FAM83B: variants seen among roughly 807,000 people sequenced by gnomAD.
The protein encoded by FAM83B is protein FAM83B.
Under a neutral mutation model 38.8 loss-of-function variants are expected in FAM83B, and 26 were observed. The ratio of observed to expected loss-of-function variants is 0.67; its 90% CI spans 0.49 to 0.93. The LOEUF (loss-of-function observed/expected upper bound fraction) is 0.93, where lower values mean the gene tolerates loss of function less well. Among genes scored for constraint, FAM83B ranks in the 40% least tolerant of loss-of-function variants. The pLI is 0.00. For missense variants in FAM83B, 1,237 were observed against 1,197.3 expected (o/e 1.03, Z -0.49); for synonymous variants, 419 against 423.1 (o/e 0.99, Z 0.12).
At chr6:54,881,379 A>T (rs1772127245) in intron 2 of FAM83B, among the ~76,000 whole-genome samples, 1 of 152,172 alleles carries the variant, frequency 6.6e-6, no homozygotes. Flanking sequence ...TGGTAACTGT[A>T]CATTTTCTTT....
chr6:54,900,878 T>C (rs997592631), intron 2 of FAM83B, among the ~76,000 whole-genome samples: 1 of 152,222 alleles, frequency 6.6e-6, no homozygotes, highest in Non-Finnish European at 1.5e-5. Context: ...CCACAAGCAC[T>C]GTATCCACAT....
At chr6:54,868,890 T>C (rs1771779383) in intron 1 of FAM83B, among the ~76,000 whole-genome samples, 2 of 152,242 alleles carry the variant, frequency 1.3e-5, no homozygotes, top group African/African-American at 4.8e-5. Context: ...GGAACAGGAT[T>C]GTCTCCACTA....
intron 2 of FAM83B, among the ~76,000 whole-genome samples, chr6:54,874,625 T>C (rs975261295): frequency 6.6e-6 from 1 of 152,220 alleles, no homozygotes; most frequent in Admixed American, 6.5e-5. Flanking sequence ...AGTTTTTTTT[T>C]CCTAGCCACT....
intron 1 of FAM83B, among the ~76,000 whole-genome samples, chr6:54,851,505 C>T (rs1771287182): frequency 2.6e-5 from 4 of 152,106 alleles, no homozygotes; most frequent in Admixed American, 2.6e-4. Context: ...CACAGTCTCA[C>T]TCTGTTGCCC....
intron 1 of FAM83B, among the ~76,000 whole-genome samples, chr6:54,855,869 C>G (rs1771435300): frequency 6.6e-6 from 1 of 152,266 alleles, no homozygotes; most frequent in Admixed American, 6.5e-5. Flanking sequence ...AATGAATCAT[C>G]TTTGATTTTA....
At chr6:54,922,629 C>T (rs961858977) in intron 2 of FAM83B, among the ~76,000 whole-genome samples, 6 of 151,984 alleles carry the variant, frequency 3.9e-5, no homozygotes, top group African/African-American at 1.4e-4. Flanking sequence ...TGGGAAGCTA[C>T]TGGAATGATT....
At chr6:54,879,460 G>T (rs1772074534) in intron 2 of FAM83B, among the ~76,000 whole-genome samples, 1 of 152,116 alleles carries the variant, frequency 6.6e-6, no homozygotes, top group Non-Finnish European at 1.5e-5. Context: ...CTTTATGCTG[G>T]GTCAGGTGAG....
At chr6:54,865,710 A>G (rs1357950006) in intron 1 of FAM83B, among the ~76,000 whole-genome samples, 1 of 152,082 alleles carries the variant, frequency 6.6e-6, no homozygotes, top group African/African-American at 2.4e-5. Flanking sequence ...AAAAAGCTGT[A>G]ATTTCTCTTT....
intron 1 of FAM83B, among the ~76,000 whole-genome samples, chr6:54,865,937 C>A (rs1040784475): frequency 6.7e-6 from 1 of 148,990 alleles, no homozygotes. Context: ...AGTAATTATA[C>A]TATAGCAGAT....
rs868800065 is a variant in FAM83B, at chr6:54,930,309, C to G, written c.734+2677C>G. 4.6e-5 allele frequency among the ~76,000 whole-genome samples: 7 copies of G among 152,172 alleles called. No individual in the cohort carries two copies. In the Middle Eastern group the frequency reaches 0.01, roughly 222 times the overall value. ...TGCTACTTCTTTCTCCAGTTGACCA[C>G]ATAGATTTTGCAGCACATGAATGAT... On this transcript the variant is annotated intron_variant, in intron 4 of 4. Coordinates refer to ENST00000306858, the MANE Select transcript of FAM83B (RefSeq NM_001010872.3).
At chr6:54,906,623 G>A (rs933264989) in intron 2 of FAM83B, among the ~76,000 whole-genome samples, 2 of 152,086 alleles carry the variant, frequency 1.3e-5, no homozygotes, top group Admixed American at 1.3e-4. Context: ...GACCTCAGGT[G>A]ATTCCCTGCC....
intron 2 of FAM83B, among the ~76,000 whole-genome samples, chr6:54,915,812 C>CAAAAA (rs58597609): frequency 0.05 from 909 of 18,016 alleles, 203 homozygotes; most frequent in African/African-American, 0.2. Context: ...GACTCCGTCT[C>CAAAAA]AAAAAAAAAA....
At chr6:54,925,878 A>G (rs1273579259) in intron 2 of FAM83B, among the ~76,000 whole-genome samples, 1 of 152,162 alleles carries the variant, frequency 6.6e-6, no homozygotes, top group East Asian at 1.9e-4. Flanking sequence ...TCTTCAAGTC[A>G]TCTTATACTC....
intron 2 of FAM83B, among the ~76,000 whole-genome samples, chr6:54,897,898 A>T (rs1232029448): frequency 6.6e-6 from 1 of 152,204 alleles, no homozygotes; most frequent in Non-Finnish European, 1.5e-5. Flanking sequence ...CAAGTAAAAC[A>T]ATTACTTGGG....
rs74561439 is a variant in FAM83B, at chr6:54,942,644, A to C, written c.*637A>C. 3.1e-3 allele frequency among the ~76,000 whole-genome samples: 462 copies of C among 151,452 alleles called. 5 individuals are homozygous for C. Among genetic ancestry groups the C allele is most frequent in the African/African-American group, 0.01 (429 of 40,954 alleles). On this transcript the variant is annotated 3_prime_UTR_variant, in exon 5 of 5. Transcript: ENST00000306858. ...ACATTCGTAGGAATTTATTTTCCTCAGCCTTTGAAAACGGTCTGGGATGTG... is the reference window on the plus strand; with the variant it reads ...ACATTCGTAGGAATTTATTTTCCTCCGCCTTTGAAAACGGTCTGGGATGTG...
At chr6:54,919,854 C>G (rs9367597) in intron 2 of FAM83B, among the ~76,000 whole-genome samples, 1 of 151,468 alleles carries the variant, frequency 6.6e-6, no homozygotes, top group Non-Finnish European at 1.5e-5. Context: ...CTTTTGGAAC[C>G]GGGTACATGC....
At chr6:54,895,174 G>C (rs1413544202) in intron 2 of FAM83B, among the ~76,000 whole-genome samples, 1 of 150,732 alleles carries the variant, frequency 6.6e-6, no homozygotes, top group Admixed American at 6.6e-5. Context: ...AAAGGATGTG[G>C]GGAAACAACA....
chr6:54,911,401 T>C (rs556208698), intron 2 of FAM83B, among the ~76,000 whole-genome samples: 8 of 152,142 alleles, frequency 5.3e-5, no homozygotes, highest in Admixed American at 3.3e-4. Context: ...TAAGATTACC[T>C]CAGGAAGTGG....
chr6:54,887,340 T>C (rs980759135), intron 2 of FAM83B, among the ~76,000 whole-genome samples: 13 of 152,198 alleles, frequency 8.5e-5, no homozygotes, highest in Non-Finnish European at 1.9e-4. Context: ...TTCCTAATGC[T>C]GTTTCTGCAG....
Sources: allele counts gnomAD v4.1 joint callset (sites outside exome capture counted in the v4.1 genomes callset), GRCh38; gene constraint gnomAD v4.1.1; transcripts MANE v1.5; gene names NCBI Gene and HGNC (gene_info 2026-07-23, HGNC 2026-07-21).